Variants in GPR143 observed in about 807,000 individuals in gnomAD.
GPR143 encodes G-protein coupled receptor 143.
A neutral mutation model predicts 27.6 loss-of-function variants in GPR143; 8 were observed. The observed-to-expected ratio is 0.29, with a 90% CI of 0.17 to 0.52. GPR143 has a LOEUF of 0.52. Among genes scored for constraint, GPR143 ranks in the 20% least tolerant of loss-of-function variants. The pLI, the probability that GPR143 is intolerant of heterozygous loss-of-function variation, is 0.96. For synonymous variants in GPR143, 156 were observed against 153.2 expected, an observed-to-expected ratio of 1.02 and a Z score of -0.13; for missense variants, 303 against 343.1, an observed-to-expected ratio of 0.88 and a Z score of 0.92.
intron 3 of GPR143, among the ~76,000 whole-genome samples, chrX:9,750,854 T>G (rs1009478217): frequency 8.9e-6 from 1 of 112,702 alleles, no homozygotes; most frequent in Non-Finnish European, 1.9e-5. Context: ...TGAGCCGCCG[T>G]GCCCGGCCAT....
intron 3 of GPR143, among the ~76,000 whole-genome samples, chrX:9,749,152 G>T (rs769575715): frequency 6.3e-5 from 7 of 111,476 alleles, no homozygotes; most frequent in Admixed American, 1.9e-4. Flanking sequence ...TCATGGGGGC[G>T]GTTTCCCCCA....
At chrX:9,746,469 G>A (rs1437488129) in intron 4 of GPR143, among the ~76,000 whole-genome samples, 1 of 110,388 alleles carries the variant, frequency 9.1e-6, no homozygotes, top group Non-Finnish European at 1.9e-5. Context: ...GGGATTCCCT[G>A]CACTGGGTCT....
intron 5 of GPR143, among the ~76,000 whole-genome samples, chrX:9,745,183 C>G (rs2083422886): frequency 8.9e-6 from 1 of 112,148 alleles, no homozygotes; most frequent in Non-Finnish European, 1.9e-5. Flanking sequence ...TGAACATGGG[C>G]AGCAGAGGTT....
At chrX:9,734,485 T>C (rs765895334) in intron 8 of GPR143, among the ~76,000 whole-genome samples, 2 of 111,684 alleles carry the variant, frequency 1.8e-5, no homozygotes, top group East Asian at 5.7e-4. Context: ...GCTACGCTCC[T>C]TTCTGGCCAT....
At chrX:9,741,245 C>CG (rs1294075792) in intron 7 of GPR143, 93 bp downstream of exon 7, 18 of 444,199 alleles carry the variant, frequency 4.1e-5, no homozygotes, top group Non-Finnish European at 3.6e-5. Context: ...ATCATGCCAC[C>CG]GCTTTCCAGC....
At chrX:9,761,857 G>T (rs1471605542) in intron 1 of GPR143, among the ~76,000 whole-genome samples, 2 of 112,443 alleles carry the variant, frequency 1.8e-5, no homozygotes, top group East Asian at 5.6e-4. Flanking sequence ...CAGCACTTTG[G>T]GAGGCCAAGG....
chrX:9,773,163 C>T (rs1307336631), intron 1 of GPR143, among the ~76,000 whole-genome samples: 4 of 111,858 alleles, frequency 3.6e-5, no homozygotes, highest in African/African-American at 9.7e-5. Flanking sequence ...TAATTCTACA[C>T]GCCTTCATGG....
upstream of GPR143, chrX:9,765,978 A>G (rs1380679717): frequency 1.6e-5 from 7 of 439,595 alleles, no homozygotes; most frequent in Non-Finnish European, 1.0e-5. Flanking sequence ...GGCCGAGAGC[A>G]CTGGGCTAAC....
At chrX:9,738,803 C>A (rs1053723707) in intron 8 of GPR143, among the ~76,000 whole-genome samples, 21 of 111,629 alleles carry the variant, frequency 1.9e-4, no homozygotes, top group African/African-American at 5.8e-4. Flanking sequence ...TTGTATTTTT[C>A]GTAGCGACGG....
At chrX:9,746,971 C>T (rs17255230) in intron 4 of GPR143, among the ~76,000 whole-genome samples, 1,251 of 83,211 alleles carry the variant, frequency 0.015, 10 homozygotes, top group Middle Eastern at 0.044. Flanking sequence ...TTAATATTGA[C>T]GGAGTTGTCA....
chrX:9,743,606 G>T lies in GPR143; in HGVS notation c.726C>A (p.Ile242=). ...GCATGATTTTGAAAAATCGGATCTT[G>T]ATCACGGCTCCCATCCTCCTCTCGT... is the stretch of plus-strand genomic sequence containing the variant. ...TENERRMGAV[I]KIRFFKIMLV... The change falls in exon 6 of 9, where the codon ATC becomes ATA. Residue 242 remains isoleucine, a synonymous_variant. Transcript: ENST00000467482. 2 of 1,192,678 alleles carry T rather than the reference G, an allele frequency of 1.7e-6. No individual in the cohort carries two copies. Among genetic ancestry groups the T allele is most frequent in the Non-Finnish European group, 2.3e-6 (2 of 877,892 alleles).
chrX:9,739,679 G>T lies in GPR143; in HGVS notation c.926C>A (p.Ala309Asp). 8.4e-7 allele frequency: 1 copy of T among 1,189,001 alleles called. No homozygotes were observed. The highest frequency in any genetic ancestry group is 1.1e-6 in the Non-Finnish European group (1 of 881,839). Residue 309 changes from alanine to aspartate, a missense_variant, in exon 8 of 9, where the codon GCC (alanine) becomes GAC (aspartate). Physicochemically the swap from Ala to Asp is moderately radical, Grantham distance 126. Transcript: ENST00000467482. The stretch of plus-strand genomic sequence containing the variant: ...GCTGCATCCTGTCCAGCCGTAGAAG[G>T]CCAAAGACAAGAGAAATCCCTGGGC... ...NPAQGFLLSL[A>D]FYGWTGCSLG...
chrX:9,749,766 C>A (rs1327392365), intron 3 of GPR143, among the ~76,000 whole-genome samples: 6 of 111,213 alleles, frequency 5.4e-5, no homozygotes, highest in Non-Finnish European at 1.1e-4. Context: ...CCCTTTCTTT[C>A]CTCTTTTTGT....
At chrX:9,736,639 T>C (rs951631158) in intron 8 of GPR143, among the ~76,000 whole-genome samples, 9 of 111,658 alleles carry the variant, frequency 8.1e-5, no homozygotes, top group African/African-American at 2.9e-4. Flanking sequence ...ACTCACTCTA[T>C]GCTTCAAGCT....
At chrX:9,761,215 T>G (rs1308216445) in intron 1 of GPR143, among the ~76,000 whole-genome samples, 1 of 111,233 alleles carries the variant, frequency 9.0e-6, no homozygotes, top group Admixed American at 9.6e-5. Context: ...TGCCTCAGCC[T>G]CCCGAGTGGC....
At chrX:9,731,739 A>T (rs1204493860) in intron 8 of GPR143, among the ~76,000 whole-genome samples, 1 of 103,279 alleles carries the variant, frequency 9.7e-6, no homozygotes, top group Non-Finnish European at 2.0e-5. Context: ...TTTGTGAGAG[A>T]GAACAGAGAA....
intron 8 of GPR143, among the ~76,000 whole-genome samples, chrX:9,732,632 G>C (rs767863404): frequency 2.7e-5 from 3 of 110,729 alleles, no homozygotes; most frequent in Non-Finnish European, 5.7e-5. Flanking sequence ...GGAAGCCGAA[G>C]TGGGCAGATC....
chrX:9,738,572 A>G, intron 8 of GPR143: 1 of 685,631 alleles, frequency 1.5e-6, no homozygotes, highest in Non-Finnish European at 1.7e-6. Flanking sequence ...TTCAAAGTAA[A>G]CCAAGCTTGT....
rs557805306 is a variant in GPR143, at chrX:9,758,985, C to G, written c.455+347G>C. On this transcript the variant is annotated intron_variant, in intron 3 of 8. Transcript: ENST00000467482. ...AATATTTCATTTATTGAATTACTTG[C>G]TTTCAAGGTTTTTAAAATCCTCAAG... Among the ~76,000 whole-genome samples, 9 of 112,287 alleles carry G rather than the reference C, an allele frequency of 8.0e-5. No individual in the cohort carries two copies. The South Asian group carries it at 3.4e-3, about 42-fold the overall frequency.
Sources: allele counts gnomAD v4.1 joint callset (sites outside exome capture counted in the v4.1 genomes callset), GRCh38; gene constraint gnomAD v4.1.1; transcripts MANE v1.5; gene names NCBI Gene and HGNC (gene_info 2026-07-23, HGNC 2026-07-21).